MGAT4C: variants seen among roughly 807,000 people sequenced by gnomAD.
MGAT4C encodes MGAT4 family member C.
In MGAT4C, 19 loss-of-function variants were observed where a neutral mutation model predicts 40.1. The ratio of observed to expected loss-of-function variants is 0.47; its 90% CI spans 0.33 to 0.70. The LOEUF (loss-of-function observed/expected upper bound fraction) is 0.70. Ranked by LOEUF, MGAT4C falls within the 30% of genes least tolerant of loss-of-function variation. MGAT4C has a pLI of 0.02. For missense variants in MGAT4C, 491 were observed against 563.2 expected (o/e 0.87, Z 1.30); for synonymous variants, 181 against 187.1 (o/e 0.97, Z 0.27).
chr12:86,644,519 A>G (rs1222304371), intron 2 of MGAT4C, among the ~76,000 whole-genome samples: 1 of 151,742 alleles, frequency 6.6e-6, no homozygotes, highest in Non-Finnish European at 1.5e-5. Flanking sequence ...ATTGTATTAG[A>G]AAACTCTTAG....
intron 3 of MGAT4C, among the ~76,000 whole-genome samples, chr12:86,401,266 G>C (rs1461764396): frequency 7.6e-6 from 1 of 132,010 alleles, no homozygotes. Context: ...ATATATGTGT[G>C]TGTGTGTGTG....
Position 86,762,478 on chromosome 12 carries a change from T to C in MGAT4C, c.-261-35237A>G, listed in dbSNP as rs184265363. Among the ~76,000 whole-genome samples, 155 of 152,264 alleles carry C rather than the reference T, an allele frequency of 1.0e-3. 2 individuals carry two copies. In the Middle Eastern group the frequency reaches 0.034, roughly 33 times the overall value. ...TGTGGGGTGAGAAAGCCACTGTTCA[T>C]TGTTAGAAGCTGTCTTCAGGACCAG... On this transcript the variant is annotated intron_variant, in intron 1 of 7. Coordinates refer to the MGAT4C transcript ENST00000548651.
intron 2 of MGAT4C, among the ~76,000 whole-genome samples, chr12:86,494,372 G>GA (rs1165973173): frequency 1.3e-5 from 2 of 151,450 alleles, no homozygotes; most frequent in African/African-American, 4.8e-5. Context: ...ACTTAGTATA[G>GA]AAAAAATAAA....
intron 2 of MGAT4C, among the ~76,000 whole-genome samples, chr12:86,708,985 T>A (rs1950511217): frequency 6.6e-6 from 1 of 152,180 alleles, no homozygotes; most frequent in Admixed American, 6.5e-5. Context: ...TTTGGGGAAC[T>A]GTTGGGAAGG....
intron 3 of MGAT4C, among the ~76,000 whole-genome samples, chr12:86,378,736 T>G (rs1174766100): frequency 6.6e-6 from 1 of 152,144 alleles, no homozygotes; most frequent in Non-Finnish European, 1.5e-5. Context: ...AGAAGATGAG[T>G]AAATCAATCT....
intron 2 of MGAT4C, among the ~76,000 whole-genome samples, chr12:86,622,439 GA>G (rs1403682903): frequency 2.0e-5 from 3 of 151,894 alleles, no homozygotes; most frequent in Non-Finnish European, 4.4e-5. Context: ...TATTTAGAGT[GA>G]AAAAAACCTA....
chr12:86,461,923 A>AT (rs958414578), intron 2 of MGAT4C, among the ~76,000 whole-genome samples: 3 of 152,090 alleles, frequency 2.0e-5, no homozygotes, highest in African/African-American at 4.8e-5. Flanking sequence ...TTTCTCCTTT[A>AT]TTTCTTTTTG....
At chr12:86,664,424 G>A (rs1474209457) in intron 2 of MGAT4C, among the ~76,000 whole-genome samples, 1 of 151,996 alleles carries the variant, frequency 6.6e-6, no homozygotes, top group African/African-American at 2.4e-5. Context: ...TCAGAAAATA[G>A]AATTTATTAT....
intron 3 of MGAT4C, among the ~76,000 whole-genome samples, chr12:86,402,151 G>T (rs968638439): frequency 3.3e-5 from 5 of 151,810 alleles, no homozygotes; most frequent in African/African-American, 1.2e-4. Flanking sequence ...ACTCTTTTCA[G>T]TTGAAAAAAT....
Position 86,249,771 on chromosome 12 carries a change from T to C in MGAT4C, c.-57+6468A>G, listed in dbSNP as rs150870962. Among the ~76,000 whole-genome samples, 1,143 of 152,278 alleles carry C rather than the reference T, an allele frequency of 7.5e-3. 3 individuals carry two copies. The highest frequency in any genetic ancestry group is 0.014 in the Middle Eastern group (4 of 292). ...GACTTTGTTCTTAATGAGGTCCCTC[T>C]ATCTGAAATATCCTTTGCCCACCTG... is the stretch of plus-strand genomic sequence containing the variant. On this transcript the variant is annotated intron_variant, in intron 1 of 4. Transcript: ENST00000611864.
chr12:86,209,365 T>C (rs1487134852), intron 1 of MGAT4C, among the ~76,000 whole-genome samples: 3 of 152,098 alleles, frequency 2.0e-5, no homozygotes, highest in Non-Finnish European at 2.9e-5. Flanking sequence ...TCATAAGTAA[T>C]ACCTTCAAAG....
chr12:86,613,489 G>A (rs1962351506), intron 2 of MGAT4C, among the ~76,000 whole-genome samples: 1 of 152,016 alleles, frequency 6.6e-6, no homozygotes, highest in African/African-American at 2.4e-5. Flanking sequence ...GTCAGAATTG[G>A]CAAAATATCC....
At chr12:86,729,675 C>A in intron 1 of MGAT4C, among the ~76,000 whole-genome samples, 1 of 151,888 alleles carries the variant, frequency 6.6e-6, no homozygotes. Flanking sequence ...TGGAAACAAT[C>A]ATGTATTAAA....
At chr12:86,434,947 A>G (rs534227895) in intron 3 of MGAT4C, among the ~76,000 whole-genome samples, 142 of 152,072 alleles carry the variant, frequency 9.3e-4, no homozygotes, top group African/African-American at 3.3e-3. Context: ...TGTCCAATAC[A>G]AATTTAACAT....
At chr12:85,998,542 G>C (rs1241620757) in intron 2 of MGAT4C, among the ~76,000 whole-genome samples, 2 of 152,106 alleles carry the variant, frequency 1.3e-5, no homozygotes, top group African/African-American at 4.8e-5. Context: ...CCTCTTGAAT[G>C]CCTTGCTGCT....
At chr12:86,714,173 C>G (rs912145044) in intron 2 of MGAT4C, among the ~76,000 whole-genome samples, 2 of 152,040 alleles carry the variant, frequency 1.3e-5, no homozygotes, top group African/African-American at 2.4e-5. Context: ...AAAATAAAGA[C>G]AGAGAGAAAA....
intron 2 of MGAT4C, among the ~76,000 whole-genome samples, chr12:86,723,788 A>T (rs923106057): frequency 3.3e-5 from 5 of 152,316 alleles, no homozygotes; most frequent in African/African-American, 1.2e-4. Context: ...AAGTATTTCA[A>T]TTAAAATGTT....
Position 85,956,254 on chromosome 12 carries a change from A to G in MGAT4C, c.*23035T>C, listed in dbSNP as rs1428113505. Reference sequence around the variant, plus strand: ...TACTATGCAAACATGCAAGCATCAGATTTTTAATCAAACCAATTGGCTGCC... The same window carrying G: ...TACTATGCAAACATGCAAGCATCAGGTTTTTAATCAAACCAATTGGCTGCC... On this transcript the variant is annotated 3_prime_UTR_variant, in exon 5 of 5. Coordinates refer to ENST00000611864, the MANE Select transcript of MGAT4C (RefSeq NM_001351288.2). 2 of 152,220 alleles carry G rather than the reference A, an allele frequency of 1.3e-5. No homozygotes were observed. The highest frequency in any genetic ancestry group is 2.9e-5 in the Non-Finnish European group (2 of 68,020). The allele number at this position is 152,220 out of a possible 1,614,324, so 9.4% of individuals were successfully genotyped here.
Position 86,049,697 on chromosome 12 carries a change from CTG to C in MGAT4C, c.-32_-31del. On this transcript the variant is annotated 5_prime_UTR_variant, in exon 2 of 5. Transcript: ENST00000611864. ...ACCTTAAGAAAGACGCTGTCATAATCTGTGCTGTACAGAAACCGTTGATACCC... is the reference window on the plus strand; with the variant it reads ...ACCTTAAGAAAGACGCTGTCATAATCTGCTGTACAGAAACCGTTGATACCC... 2 of 983,840 alleles carry C rather than the reference CTG, an allele frequency of 2.0e-6. No homozygotes were observed. The highest frequency in any genetic ancestry group is 2.4e-6 in the Non-Finnish European group (2 of 828,246). 60.9% of individuals were successfully genotyped at this position (983,840 alleles called of 1,614,324 possible). A position where few individuals can be genotyped will look rare whatever the true frequency, so the allele number is the denominator to read the frequency against.
Sources: allele counts gnomAD v4.1 joint callset (sites outside exome capture counted in the v4.1 genomes callset), GRCh38; gene constraint gnomAD v4.1.1; transcripts MANE v1.5; gene names NCBI Gene and HGNC (gene_info 2026-07-23, HGNC 2026-07-21).